Variants in DMD observed in about 807,000 individuals in gnomAD.
DMD encodes dystrophin.
In DMD, 63 loss-of-function variants were observed where a neutral mutation model predicts 330.1. The ratio of observed to expected loss-of-function variants is 0.19; its 90% confidence interval spans 0.16 to 0.24. The LOEUF (loss-of-function observed/expected upper bound fraction) is 0.24. DMD is among the 10% of genes least tolerant of loss of function. The probability of loss-of-function intolerance (pLI) is 1.00; values close to 1 mark genes in which losing one functional copy is unlikely to be tolerated. For missense variants in DMD, 3,344 were observed against 2,684.1 expected, an observed-to-expected ratio of 1.25 and a Z score of -5.43; for synonymous variants, 1,223 against 959.8, an observed-to-expected ratio of 1.27 and a Z score of -5.07.
chrX:32,694,285 C>T (rs1455641866), intron 9 of DMD, among the ~76,000 whole-genome samples: 1 of 111,488 alleles, frequency 9.0e-6, no homozygotes, highest in Admixed American at 9.6e-5. Context: ...TATGTGTTGA[C>T]TTCTAAATTA....
chrX:32,362,617 G>A (rs1344286186), intron 37 of DMD, among the ~76,000 whole-genome samples, 171 bp downstream of exon 37: 1 of 110,691 alleles, frequency 9.0e-6, no homozygotes, highest in Non-Finnish European at 1.9e-5. Flanking sequence ...GGGGAGGAGT[G>A]GCGTTTATCT....
Position 31,138,623 on chromosome X carries a change from A to AGGAGAG in DMD, c.10922-4435_10922-4430dup, listed in dbSNP as rs1320637865. Among the ~76,000 whole-genome samples the AGGAGAG allele has an allele frequency of 1.0e-3, 85 of 81,437 alleles. 3 individuals carry two copies. Among genetic ancestry groups the AGGAGAG allele is most frequent in the African/African-American group, 4.0e-3 (79 of 19,996 alleles). 70.7% of individuals were successfully genotyped at this position (81,437 alleles called of 115,157 possible). On this transcript the variant is annotated intron_variant, in intron 76 of 78. Transcript: ENST00000357033. Reference sequence around the variant, plus strand: ...AGCAAGGCACCTCTTACATGGCAGCAGGAGAGAGAGAGAGAGAGAGAGAGA... The same window carrying AGGAGAG: ...AGCAAGGCACCTCTTACATGGCAGCAGGAGAGGGAGAGAGAGAGAGAGAGAGAGAGA...
chrX:31,169,635 C>T lies in DMD; in HGVS notation c.10395-34G>A, dbSNP rs757078732. The T allele has an allele frequency of 3.2e-5, 37 of 1,162,129 alleles. No individual in the cohort carries two copies. In the South Asian group the frequency reaches 3.4e-4, roughly 11 times the overall value. ...TAAAATCAAAGGTTTTGGTTTTTTC[C>T]CCCCCTTATTTTGCTTTGGGGGTTA... is the stretch of plus-strand genomic sequence containing the variant. On this transcript the variant is annotated intron_variant, in intron 73 of 78. Transcript: ENST00000357033.
At position 31,174,483 on chromosome X, in the gene DMD, G is replaced by GA. The variant is rs200614653; in HGVS notation, c.10263-880dup. The stretch of plus-strand genomic sequence containing the variant: ...ATAGTATCTTTTGGATTAACCTTAG[G>GA]AAAAAAAACCATCTGTTCTGAAAAC... On this transcript the variant is annotated intron_variant, in intron 71 of 78. Transcript: ENST00000357033. Among the ~76,000 whole-genome samples, 32 of 110,420 alleles carry GA rather than the reference G, an allele frequency of 2.9e-4. No homozygotes were observed. The East Asian group carries it at 5.9e-3, about 20-fold the overall frequency.
intron 55 of DMD, among the ~76,000 whole-genome samples, chrX:31,567,921 A>G (rs2075558180): frequency 9.0e-6 from 1 of 111,279 alleles, no homozygotes; most frequent in Non-Finnish European, 1.9e-5. Context: ...AAAAATAGAC[A>G]GTAGATATGC....
intron 44 of DMD, among the ~76,000 whole-genome samples, chrX:32,016,227 C>A (rs750411132): frequency 8.9e-6 from 1 of 112,039 alleles, no homozygotes; most frequent in Admixed American, 9.5e-5. Context: ...CTATTATACT[C>A]TATTTCACCT....
intron 11 of DMD, among the ~76,000 whole-genome samples, chrX:32,641,805 G>A (rs951591197): frequency 9.0e-6 from 1 of 110,582 alleles, no homozygotes; most frequent in Admixed American, 9.8e-5. Flanking sequence ...CCTGTCTTAG[G>A]TAGAGAGAGA....
At chrX:31,530,944 C>T (rs1164754054) in intron 55 of DMD, among the ~76,000 whole-genome samples, 27 of 87,585 alleles carry the variant, frequency 3.1e-4, no homozygotes, top group Middle Eastern at 0.011. Context: ...TTTGTTCTTG[C>T]GATAGTTTAC....
intron 2 of DMD, among the ~76,000 whole-genome samples, chrX:32,893,215 G>A (rs777979780): frequency 8.1e-5 from 9 of 111,652 alleles, no homozygotes; most frequent in African/African-American, 2.9e-4. Flanking sequence ...AAATGGTTTC[G>A]CCTACTTATT....
At position 31,385,988 on chromosome X, in the gene DMD, A is replaced by G. The variant is rs751639763; in HGVS notation, c.9085-37354T>C. Among the ~76,000 whole-genome samples the G allele has an allele frequency of 5.8e-3, 648 of 112,457 alleles. 5 individuals are homozygous for G. The highest frequency in any genetic ancestry group is 0.011 in the Non-Finnish European group (578 of 53,284). On this transcript the variant is annotated intron_variant, in intron 60 of 78. Transcript: ENST00000357033. ...TTTGGAACCAACCCAAATGTCCATC[A>G]ATGATAGACTGGATTAAGAAAATGT... is the stretch of plus-strand genomic sequence containing the variant.
At chrX:33,296,627 C>T (rs2053588670) in intron 1 of DMD, among the ~76,000 whole-genome samples, 1 of 110,636 alleles carries the variant, frequency 9.0e-6, no homozygotes, top group African/African-American at 3.3e-5. Flanking sequence ...CCAGACTGAG[C>T]ACCCATTTGA....
intron 60 of DMD, among the ~76,000 whole-genome samples, chrX:31,384,782 A>T (rs2060371732): frequency 8.9e-6 from 1 of 112,148 alleles, no homozygotes; most frequent in African/African-American, 3.2e-5. Flanking sequence ...ACAGAAAAAC[A>T]ATACCCAGCT....
rs1017384215 is a variant in DMD, at chrX:32,815,739, G to A, written c.530+729C>T. On this transcript the variant is annotated intron_variant, in intron 6 of 78. Transcript: ENST00000357033. The stretch of plus-strand genomic sequence containing the variant: ...CATCTTAAGAAATATAATGTTGAAT[G>A]GAATATAGTTAAGGACTTTGGTTCA... 2.7e-5 allele frequency among the ~76,000 whole-genome samples: 3 copies of A among 109,523 alleles called. No homozygotes were observed. The East Asian group carries it at 8.6e-4, about 31-fold the overall frequency.
At chrX:31,437,802 G>A (rs751226274) in intron 60 of DMD, among the ~76,000 whole-genome samples, 2 of 96,287 alleles carry the variant, frequency 2.1e-5, no homozygotes, top group Non-Finnish European at 2.0e-5. Context: ...CTAAGTCTTT[G>A]CATCCTGATA....
At chrX:32,912,966 G>A in intron 2 of DMD, among the ~76,000 whole-genome samples, 1 of 112,396 alleles carries the variant, frequency 8.9e-6, no homozygotes, top group Middle Eastern at 4.6e-3. Flanking sequence ...TGATTGGCAA[G>A]TTAGTATAAC....
intron 45 of DMD, among the ~76,000 whole-genome samples, chrX:31,963,674 C>T (rs2095326449): frequency 9.1e-6 from 1 of 110,193 alleles, no homozygotes; most frequent in Non-Finnish European, 1.9e-5. Flanking sequence ...CAAGGTGAGC[C>T]TGGGACAATT....
chrX:32,146,284 T>A (rs1369341632), intron 44 of DMD, among the ~76,000 whole-genome samples: 3 of 111,529 alleles, frequency 2.7e-5, no homozygotes, highest in Non-Finnish European at 5.6e-5. Flanking sequence ...GATAGATAGA[T>A]GATAGATAAA....
At position 32,874,833 on chromosome X, in the gene DMD, G is replaced by A. The variant is rs1040457943; in HGVS notation, c.94-25013C>T. Among the ~76,000 whole-genome samples the A allele has an allele frequency of 4.5e-5, 5 of 111,490 alleles. No individual in the cohort carries two copies. In the East Asian group the frequency reaches 1.4e-3, roughly 32 times the overall value. ...ACTACCCTGAAACCACCATGCTGTAGAAGACATCTACAAGTCCTCTGGTTG... is the reference window on the plus strand; with the variant it reads ...ACTACCCTGAAACCACCATGCTGTAAAAGACATCTACAAGTCCTCTGGTTG... On this transcript the variant is annotated intron_variant, in intron 2 of 78. Transcript: ENST00000357033.
intron 2 of DMD, among the ~76,000 whole-genome samples, chrX:32,921,804 A>T (rs1408758341): frequency 9.0e-6 from 1 of 111,723 alleles, no homozygotes; most frequent in East Asian, 2.8e-4. Flanking sequence ...AATAATTATA[A>T]GCATATTCAT....
Sources: gnomAD v4.1 joint callset for allele counts (sites outside exome capture counted in the v4.1 genomes callset) on GRCh38, gnomAD v4.1.1 for gene constraint, MANE v1.5 for transcripts, NCBI Gene and HGNC (gene_info 2026-07-23, HGNC 2026-07-21) for gene names.